BMPR2: variants seen among roughly 807,000 people sequenced by gnomAD.
BMPR2 encodes the protein bone morphogenetic protein receptor type-2.
BMPR2 carries 29 observed loss-of-function variants against 100.8 expected under a neutral mutation model. The ratio of observed to expected loss-of-function variants is 0.29; its 90% CI spans 0.21 to 0.39. The LOEUF (loss-of-function observed/expected upper bound fraction) is 0.39, where lower values mean the gene tolerates loss of function less well. Ranked by LOEUF, BMPR2 falls within the 10% of genes least tolerant of loss-of-function variation. The probability of loss-of-function intolerance (pLI) is 1.00; values close to 1 mark genes in which losing one functional copy is unlikely to be tolerated. For missense variants in BMPR2, 1,011 were observed against 1,274.5 expected (o/e 0.79, Z 3.15); for synonymous variants, 382 against 442.3 (o/e 0.86, Z 1.71).
intron 1 of BMPR2, among the ~76,000 whole-genome samples, chr2:202,392,106 C>G (rs1338898583): frequency 6.7e-6 from 1 of 149,460 alleles, no homozygotes; most frequent in East Asian, 2.0e-4. Context: ...GTCTCGCTCT[C>G]GTCCCCCAGG....
chr2:202,433,130 CT>C lies in BMPR2; in HGVS notation c.77-31676del, dbSNP rs974631143. Among the ~76,000 whole-genome samples the C allele has an allele frequency of 1.3e-5, 2 of 150,492 alleles. 1 individual carries two copies. Among genetic ancestry groups the C allele is most frequent in the African/African-American group, 5.0e-5 (2 of 39,858 alleles). ...CTGTCTAGGATGTTCAAGAATGTTA[CT>C]TTGCTAGATCTAGAGGCAAGCATGC... is the stretch of plus-strand genomic sequence containing the variant. On this transcript the variant is annotated intron_variant, in intron 1 of 12. Coordinates refer to ENST00000374580, the MANE Select transcript of BMPR2 (RefSeq NM_001204.7).
chr2:202,508,159 C>A (rs958854378), intron 3 of BMPR2, among the ~76,000 whole-genome samples: 2 of 150,506 alleles, frequency 1.3e-5, no homozygotes, highest in African/African-American at 4.9e-5. Context: ...GTGGTGTGAT[C>A]TTGGCTTACT....
chr2:202,484,082 A>G (rs778001838), intron 3 of BMPR2, among the ~76,000 whole-genome samples: 5 of 152,248 alleles, frequency 3.3e-5, no homozygotes, highest in Non-Finnish European at 7.3e-5. Flanking sequence ...ATCTTACTCT[A>G]TATAACTAAC....
At chr2:202,411,918 A>G (rs1330971463) in intron 1 of BMPR2, among the ~76,000 whole-genome samples, 3 of 152,170 alleles carry the variant, frequency 2.0e-5, no homozygotes, top group African/African-American at 7.2e-5. Flanking sequence ...CAATTTGTGG[A>G]ATTCTTGATT....
intron 10 of BMPR2, among the ~76,000 whole-genome samples, chr2:202,543,021 C>A (rs923325818): frequency 5.9e-5 from 9 of 151,308 alleles, no homozygotes; most frequent in African/African-American, 1.2e-4. Flanking sequence ...TACTAAAATA[C>A]AAAAAATTAG....
intron 9 of BMPR2, among the ~76,000 whole-genome samples, chr2:202,535,689 C>A (rs368392563): frequency 6.6e-6 from 1 of 152,000 alleles, no homozygotes; most frequent in Admixed American, 6.6e-5. Flanking sequence ...GGGTGGCGGC[C>A]GGGCAGAGGC....
At position 202,560,072 on chromosome 2, in the gene BMPR2, A is replaced by T; in HGVS notation, c.*126A>T. On this transcript the variant is annotated 3_prime_UTR_variant, in exon 13 of 13. Transcript: ENST00000374580. ...ACCCCCTCCCACCCCTGCAACAAAG[A>T]CTTGCTTTAAATAGATTTCAGCTAT... The T allele has an allele frequency of 1.7e-6, 2 of 1,199,460 alleles. No homozygotes were observed. Among genetic ancestry groups the T allele is most frequent in the Non-Finnish European group, 2.3e-6 (2 of 860,580 alleles). The allele number at this position is 1,199,460 out of a possible 1,614,324, so 74.3% of individuals were successfully genotyped here. A position where few individuals can be genotyped will look rare whatever the true frequency, so the allele number is the denominator to read the frequency against.
intron 10 of BMPR2, among the ~76,000 whole-genome samples, chr2:202,547,129 A>C (rs1046796208): frequency 1.3e-5 from 2 of 152,162 alleles, no homozygotes; most frequent in African/African-American, 4.8e-5. Flanking sequence ...AAAATAAAAA[A>C]TTATAGGCCA....
At chr2:202,457,768 C>T (rs558888643) in intron 1 of BMPR2, among the ~76,000 whole-genome samples, 3 of 152,094 alleles carry the variant, frequency 2.0e-5, no homozygotes, top group African/African-American at 7.2e-5. Flanking sequence ...TTTGCTCTGT[C>T]ACCCACACTG....
rs2105716406 is a variant in BMPR2, at chr2:202,560,037, T to C, written c.*91T>C. ...AAATAAAAAAAAAACTGCTTTATCC[T>C]CCTGTCAGCACCCCCTCCCACCCCT... On this transcript the variant is annotated 3_prime_UTR_variant, in exon 13 of 13. Transcript: ENST00000374580. 6.6e-7 allele frequency: 1 copy of C among 1,524,600 alleles called. No homozygotes were observed. Among genetic ancestry groups the C allele is most frequent in the East Asian group, 2.3e-5 (1 of 43,450 alleles). 94.4% of individuals were successfully genotyped at this position (1,524,600 alleles called of 1,614,324 possible).
chr2:202,391,029 G>C (rs1156527142), intron 1 of BMPR2, among the ~76,000 whole-genome samples: 2 of 83,588 alleles, frequency 2.4e-5, no homozygotes, highest in Non-Finnish European at 4.2e-5. Context: ...TTTCACTCTT[G>C]TTGCCCAGGC....
At chr2:202,478,323 T>C (rs1293269207) in intron 3 of BMPR2, among the ~76,000 whole-genome samples, 1 of 152,132 alleles carries the variant, frequency 6.6e-6, no homozygotes, top group African/African-American at 2.4e-5. Flanking sequence ...CTGTTGGCCA[T>C]GAGTTAAGTG....
rs554450013 is a variant in BMPR2 at position 202,488,927 on chromosome 2, C to T, written c.418+21238C>T. On this transcript the variant is annotated intron_variant, in intron 3 of 12. Transcript: ENST00000374580. The stretch of plus-strand genomic sequence containing the variant: ...CCAACCCTTGGCAATTACCATTCCA[C>T]TTTGTGTCTGATGAATTTTACTACT... 5.0e-4 allele frequency among the ~76,000 whole-genome samples: 76 copies of T among 152,076 alleles called. 1 individual carries two copies. The South Asian group carries it at 0.016, about 31-fold the overall frequency.
chr2:202,389,708 C>T (rs1292084775), intron 1 of BMPR2, among the ~76,000 whole-genome samples: 5 of 149,990 alleles, frequency 3.3e-5, no homozygotes, highest in Non-Finnish European at 5.9e-5. Context: ...ATGGCTCGAT[C>T]TTGGCTCACC....
chr2:202,383,682 A>G lies in BMPR2; in HGVS notation c.76+6132A>G, dbSNP rs899478808. The stretch of plus-strand genomic sequence containing the variant: ...AGAGCGAAACTCTGTCAAAAAAAAA[A>G]AAAAAAGAAAAAAACAAAATTAGCC... On this transcript the variant is annotated intron_variant, in intron 1 of 12. Coordinates refer to ENST00000374580, the MANE Select transcript of BMPR2 (RefSeq NM_001204.7). Among the ~76,000 whole-genome samples, 298 of 151,758 alleles carry G rather than the reference A, an allele frequency of 2.0e-3. 2 individuals carry two copies. Among genetic ancestry groups the G allele is most frequent in the African/African-American group, 6.5e-3 (270 of 41,412 alleles).
At chr2:202,498,060 A>AC (rs1378164711) in intron 3 of BMPR2, among the ~76,000 whole-genome samples, 1 of 152,038 alleles carries the variant, frequency 6.6e-6, no homozygotes, top group African/African-American at 2.4e-5. Flanking sequence ...CACTCTTCCA[A>AC]CCCTGGAGAT....
intron 7 of BMPR2, among the ~76,000 whole-genome samples, chr2:202,528,090 G>A (rs1354697751): frequency 6.6e-6 from 1 of 152,176 alleles, no homozygotes; most frequent in Non-Finnish European, 1.5e-5. Context: ...AGGAGGCTGA[G>A]GTGGGAGGAT....
intron 1 of BMPR2, among the ~76,000 whole-genome samples, chr2:202,464,073 C>T (rs1692271859): frequency 6.7e-6 from 1 of 149,140 alleles, no homozygotes; most frequent in Admixed American, 6.8e-5. Flanking sequence ...GCAAGAGAAT[C>T]GCTTGAACCC....
chr2:202,514,388 G>A (rs1353096202), intron 4 of BMPR2, among the ~76,000 whole-genome samples: 1 of 152,110 alleles, frequency 6.6e-6, no homozygotes, highest in African/African-American at 2.4e-5. Flanking sequence ...CGCCCGCCTT[G>A]GCCTCCCAAA....
Sources: gnomAD v4.1 joint callset for allele counts (sites outside exome capture counted in the v4.1 genomes callset) on GRCh38, gnomAD v4.1.1 for gene constraint, MANE v1.5 for transcripts, NCBI Gene and HGNC (gene_info 2026-07-23, HGNC 2026-07-21) for gene names.